Variants in SLC12A7 observed in about 807,000 individuals in gnomAD.
The protein encoded by SLC12A7 is K-Cl cotransporter 4.
SLC12A7 carries 100 observed loss-of-function variants against 120.6 expected under a neutral mutation model. That is an observed-to-expected ratio of 0.83 (90% confidence interval 0.71 to 0.98). The LOEUF (loss-of-function observed/expected upper bound fraction) is 0.98. Ranked by LOEUF, SLC12A7 falls within the 50% of genes least tolerant of loss-of-function variation. The pLI is 0.00. For synonymous variants in SLC12A7, 760 were observed against 678.0 expected (o/e 1.12, Z -1.88); for missense variants, 1,373 against 1,548.1 (o/e 0.89, Z 1.90).
the SLC12A7 span, among the ~76,000 whole-genome samples, chr5:1,121,554 G>A: frequency 7.4e-3 from 1,130 of 152,350 alleles, 12 homozygotes; most frequent in African/African-American, 0.025. Context: ...GGCATTGGTG[G>A]GCACAGGAAG....
At chr5:1,148,154 T>C in the SLC12A7 span, among the ~76,000 whole-genome samples, 2 of 152,030 alleles carry the variant, frequency 1.3e-5, no homozygotes, top group Non-Finnish European at 2.9e-5. Flanking sequence ...TAAACCTCTT[T>C]AAATATTTTA....
intron 17 of SLC12A7, among the ~76,000 whole-genome samples, chr5:1,068,898 TC>T (rs914958317): frequency 2.6e-5 from 4 of 152,140 alleles, no homozygotes; most frequent in African/African-American, 9.7e-5. Flanking sequence ...CTCACACACC[TC>T]CAGGGAGGCC....
intron 23 of SLC12A7, 77 bp downstream of exon 23, chr5:1,053,271 AC>A (rs1476523899): frequency 3.0e-5 from 46 of 1,524,718 alleles, no homozygotes; most frequent in Non-Finnish European, 4.0e-5. Flanking sequence ...CACTCCCAGC[AC>A]CCACAAACCC....
chr5:1,061,109 C>CCCGGAACAT, intron 20 of SLC12A7, among the ~76,000 whole-genome samples: 1 of 49,672 alleles, frequency 2.0e-5, no homozygotes, highest in African/African-American at 3.8e-5. Flanking sequence ...CTGCGTCTCA[C>CCCGGAACAT]CCACCGCACC....
At chr5:1,076,949 G>A in intron 12 of SLC12A7, 137 bp from the exon 13 acceptor site, 4 of 665,200 alleles carry the variant, frequency 6.0e-6, no homozygotes, top group Non-Finnish European at 8.1e-6. Flanking sequence ...AGGTCCCCGG[G>A]ACATCACGCG....
rs778319911 is a variant in SLC12A7, at chr5:1,074,773, G to A, written c.1968-102C>T. The A allele has an allele frequency of 4.6e-6, 5 of 1,077,404 alleles. No individual in the cohort carries two copies. The Admixed American group carries it at 8.4e-5, about 18-fold the overall frequency. 66.7% of individuals were successfully genotyped at this position (1,077,404 alleles called of 1,614,324 possible). On this transcript the variant is annotated intron_variant, in intron 15 of 23. Transcript: ENST00000264930. ...GGGGCAGGTGAGTTGGGGCAAACAG[G>A]ACCCCCAGGAAAAGTCCCTGGATGA...
At chr5:1,054,810 T>C (rs993062576) in intron 22 of SLC12A7, among the ~76,000 whole-genome samples, 4 of 152,212 alleles carry the variant, frequency 2.6e-5, no homozygotes, top group African/African-American at 4.8e-5. Context: ...GGAGAGACCT[T>C]CTATCTTCTC....
chr5:1,069,804 A>C (rs1171008822), intron 17 of SLC12A7, among the ~76,000 whole-genome samples: 1 of 152,156 alleles, frequency 6.6e-6, no homozygotes, highest in African/African-American at 2.4e-5. Flanking sequence ...GAAGCTTCCC[A>C]TAAGAAGTTT....
rs368988595 is a variant in SLC12A7 at position 1,053,302 on chromosome 5, C to T, written c.3160+47G>A. On this transcript the variant is annotated intron_variant, in intron 23 of 23. Transcript: ENST00000264930. ...AAACCCAGGTCTTAGCGAGAAGCCACCAGGGGGTGCCCGCACGCTCAGCAG... is the reference window on the plus strand; with the variant it reads ...AAACCCAGGTCTTAGCGAGAAGCCATCAGGGGGTGCCCGCACGCTCAGCAG... 5.0e-6 allele frequency: 8 copies of T among 1,592,354 alleles called. No homozygotes were observed. The African/African-American group carries it at 1.1e-4, about 21-fold the overall frequency.
chr5:1,085,248 C>T lies in SLC12A7; in HGVS notation c.901G>A (p.Asp301Asn), dbSNP rs138603309. The T allele has an allele frequency of 8.7e-6, 14 of 1,612,268 alleles. No individual in the cohort carries two copies. Among genetic ancestry groups the T allele is most frequent in the African/African-American group, 8.0e-5 (6 of 74,888 alleles). The change falls in exon 7 of 24, where the codon GAC (aspartate) becomes AAC (asparagine). Residue 301 changes from aspartate to asparagine, a missense_variant. Asp to Asn is a conservative substitution (Grantham distance 23). Coordinates refer to ENST00000264930, the MANE Select transcript of SLC12A7 (RefSeq NM_006598.3). ...GAGACTCACGGGATGTCCGGGGGGT[C>T]GAAGGCAGACTTGATGACGCCGGCA... The part of the protein sequence containing the change: ...IYAGVIKSAF[D>N]PPDIPVCLLG...
chr5:1,113,349 G>A (rs534534109), upstream of SLC12A7, among the ~76,000 whole-genome samples: 1 of 152,210 alleles, frequency 6.6e-6, no homozygotes, highest in Non-Finnish European at 1.5e-5. Context: ...TGGCCTCCGG[G>A]CTGTGGGATC....
At chr5:1,053,062 C>T (rs1561022224) in intron 23 of SLC12A7, among the ~76,000 whole-genome samples, 1 of 152,220 alleles carries the variant, frequency 6.6e-6, no homozygotes, top group East Asian at 1.9e-4. Context: ...GGATGCATGA[C>T]AGGGAGCCTC....
chr5:1,058,043 G>A (rs1315859969), intron 21 of SLC12A7, among the ~76,000 whole-genome samples: 1 of 152,224 alleles, frequency 6.6e-6, no homozygotes, highest in Non-Finnish European at 1.5e-5. Context: ...GAGGCTTGGG[G>A]CAGGTGGGGC....
upstream of SLC12A7, among the ~76,000 whole-genome samples, chr5:1,112,871 T>TCCCCC (rs70957329): frequency 1.8e-5 from 2 of 112,004 alleles, no homozygotes; most frequent in South Asian, 3.6e-4. Flanking sequence ...GTAGAGGGAG[T>TCCCCC]CCCCCCCCCC....
chr5:1,090,073 C>T (rs921498846), intron 3 of SLC12A7, among the ~76,000 whole-genome samples: 1 of 152,262 alleles, frequency 6.6e-6, no homozygotes, highest in Non-Finnish European at 1.5e-5. Flanking sequence ...TGGATCAGAA[C>T]AGGCCCCGTG....
At chr5:1,078,602 A>G (rs1427091458) in intron 11 of SLC12A7, 99 bp downstream of exon 11, 3 of 982,268 alleles carry the variant, frequency 3.1e-6, no homozygotes, top group Admixed American at 1.9e-5. Flanking sequence ...GCACGCGGAC[A>G]TGAAGTCCTA....
At chr5:1,104,675 G>A (rs199534337) in intron 1 of SLC12A7, among the ~76,000 whole-genome samples, 1,146 of 12,410 alleles carry the variant, frequency 0.092, 10 homozygotes, top group African/African-American at 0.22. Flanking sequence ...GAGGCCCACC[G>A]GGGGGTGCGT....
chr5:1,081,965 C>T (rs1050671187), intron 8 of SLC12A7, among the ~76,000 whole-genome samples: 1 of 152,226 alleles, frequency 6.6e-6, no homozygotes, highest in Non-Finnish European at 1.5e-5. Context: ...TAAAGAGAAG[C>T]CTCATGTGGG....
chr5:1,106,828 T>A (rs970968684), intron 1 of SLC12A7, among the ~76,000 whole-genome samples: 1 of 152,182 alleles, frequency 6.6e-6, no homozygotes, highest in African/African-American at 2.4e-5. Context: ...GCCTCCCTCA[T>A]ATTTTAGGAC....
Sources: gnomAD v4.1 joint callset for allele counts (sites outside exome capture counted in the v4.1 genomes callset) on GRCh38, gnomAD v4.1.1 for gene constraint, MANE v1.5 for transcripts, NCBI Gene and HGNC (gene_info 2026-07-23, HGNC 2026-07-21) for gene names.